The following TTLL5 variants were observed in gnomAD, a reference collection of about 807,000 sequenced individuals.
The protein encoded by TTLL5 is tubulin tyrosine ligase like 5.
Under a neutral mutation model 168.4 loss-of-function variants are expected in TTLL5, and 132 were observed. The ratio of observed to expected loss-of-function variants is 0.78; its 90% confidence interval spans 0.68 to 0.91. The LOEUF (loss-of-function observed/expected upper bound fraction) is 0.91. Ranked by LOEUF, TTLL5 falls within the 40% of genes least tolerant of loss-of-function variation. The pLI is 0.00. For synonymous variants in TTLL5, 546 were observed against 558.6 expected (o/e 0.98, Z 0.32); for missense variants, 1,545 against 1,581.5 (o/e 0.98, Z 0.39).
At chr14:75,682,025 A>G (rs781448043) in intron 4 of TTLL5, among the ~76,000 whole-genome samples, 5 of 151,816 alleles carry the variant, frequency 3.3e-5, no homozygotes, top group Non-Finnish European at 7.4e-5. Context: ...CCCCGTCTCT[A>G]CTAAAAATAC....
At chr14:75,949,875 T>TAA (rs1485477852) in intron 31 of TTLL5, among the ~76,000 whole-genome samples, 1 of 151,914 alleles carries the variant, frequency 6.6e-6, no homozygotes, top group Non-Finnish European at 1.5e-5. Context: ...AAAAAAAAGT[T>TAA]ACAGTTTTGT....
rs773590966 is a variant in TTLL5, at chr14:75,782,566, A to G, written c.2595A>G (p.Lys865=). Reference sequence around the variant, plus strand: ...AGACGACAGAAATTCATTCTGATAAATTATCTCGTGAGTGATTTCAAACCT... The same window carrying G: ...AGACGACAGAAATTCATTCTGATAAGTTATCTCGTGAGTGATTTCAAACCT... ...QQQTTEIHSD[K]LSRFTTSAEK... Residue 865 remains lysine (K), a synonymous_variant, in exon 25 of 32, where the codon AAA becomes AAG. Transcript: ENST00000298832. The G allele has an allele frequency of 1.2e-6, 2 of 1,613,606 alleles. No individual in the cohort carries two copies. Among genetic ancestry groups the G allele is most frequent in the Non-Finnish European group, 1.7e-6 (2 of 1,179,750 alleles).
intron 31 of TTLL5, among the ~76,000 whole-genome samples, chr14:75,915,042 T>A (rs1232739861): frequency 6.6e-6 from 1 of 152,266 alleles, no homozygotes; most frequent in East Asian, 1.9e-4. Flanking sequence ...AATCTCATTA[T>A]AAGGGAACAA....
chr14:75,897,449 T>A lies in TTLL5; in HGVS notation c.3741-4693T>A, dbSNP rs182153512. ...AGGCAGTGTGCTCTTAAGCAGTTTTTATTTTATTTTATTTTTATTTATTCA... is the reference window on the plus strand; with the variant it reads ...AGGCAGTGTGCTCTTAAGCAGTTTTAATTTTATTTTATTTTTATTTATTCA... On this transcript the variant is annotated intron_variant, in intron 30 of 31. Coordinates refer to ENST00000298832, the MANE Select transcript of TTLL5 (RefSeq NM_015072.5). Among the ~76,000 whole-genome samples, 35 of 152,184 alleles carry A rather than the reference T, an allele frequency of 2.3e-4. 1 individual carries two copies. In the East Asian group the frequency reaches 5.2e-3, roughly 23 times the overall value.
At chr14:75,679,031 T>C (rs1025290663) in intron 3 of TTLL5, among the ~76,000 whole-genome samples, 3 of 152,254 alleles carry the variant, frequency 2.0e-5, no homozygotes, top group Non-Finnish European at 1.5e-5. Flanking sequence ...CTGGATTCTC[T>C]GTAAATAATA....
intron 30 of TTLL5, among the ~76,000 whole-genome samples, chr14:75,885,359 G>A (rs1000589982): frequency 2.0e-5 from 3 of 150,934 alleles, no homozygotes; most frequent in African/African-American, 4.9e-5. Context: ...GTGCATGATG[G>A]TGGGCGCCTG....
At chr14:75,853,758 T>C (rs570624925) in intron 28 of TTLL5, among the ~76,000 whole-genome samples, 41 of 152,332 alleles carry the variant, frequency 2.7e-4, no homozygotes, top group African/African-American at 9.6e-4. Context: ...AAATCATCTA[T>C]TTTGGCTGGA....
intron 30 of TTLL5, among the ~76,000 whole-genome samples, chr14:75,901,103 A>G (rs2032903138): frequency 6.6e-6 from 1 of 152,224 alleles, no homozygotes; most frequent in East Asian, 1.9e-4. Context: ...ATCAACTAAA[A>G]TCAAGGCAGA....
At chr14:75,697,298 AT>A (rs1220772120) in intron 6 of TTLL5, among the ~76,000 whole-genome samples, 2 of 152,148 alleles carry the variant, frequency 1.3e-5, no homozygotes, top group Non-Finnish European at 2.9e-5. Flanking sequence ...TTTAATTAAT[AT>A]TTTGCTGTTA....
chr14:75,918,459 C>T (rs906316077), intron 31 of TTLL5, among the ~76,000 whole-genome samples: 3 of 152,082 alleles, frequency 2.0e-5, no homozygotes, highest in Non-Finnish European at 2.9e-5. Context: ...TAAATAGATA[C>T]GTTGTTCCTT....
intron 6 of TTLL5, among the ~76,000 whole-genome samples, chr14:75,692,289 T>G (rs898384633): frequency 6.6e-6 from 1 of 152,222 alleles, no homozygotes; most frequent in African/African-American, 2.4e-5. Context: ...TATGTTTGTA[T>G]TAGTAATAGT....
At chr14:75,867,629 G>A (rs545951706) in intron 29 of TTLL5, among the ~76,000 whole-genome samples, 29 of 151,990 alleles carry the variant, frequency 1.9e-4, no homozygotes, top group African/African-American at 5.3e-4. Context: ...GCGTGGTGGC[G>A]CATGCCTATA....
At chr14:75,897,307 A>G (rs919353346) in intron 30 of TTLL5, among the ~76,000 whole-genome samples, 1 of 152,212 alleles carries the variant, frequency 6.6e-6, no homozygotes, top group African/African-American at 2.4e-5. Context: ...TCCCAAGGAA[A>G]GAGATTTTGC....
At chr14:75,814,491 A>G (rs1894263024) in intron 27 of TTLL5, 1 of 152,200 alleles carries the variant, frequency 6.6e-6, no homozygotes. Flanking sequence ...ACCTTCAGGT[A>G]TGAACCCTAA....
At chr14:75,666,794 G>A (rs1331760827) in intron 2 of TTLL5, among the ~76,000 whole-genome samples, 1 of 152,206 alleles carries the variant, frequency 6.6e-6, no homozygotes, top group African/African-American at 2.4e-5. Context: ...TCCCAGGAGT[G>A]AATGATGTCT....
chr14:75,752,633 GA>G (rs1307753774), intron 17 of TTLL5, among the ~76,000 whole-genome samples: 1 of 151,894 alleles, frequency 6.6e-6, no homozygotes, highest in Non-Finnish European at 1.5e-5. Flanking sequence ...ATTAATCCAA[GA>G]AATGCTGGTT....
intron 28 of TTLL5, among the ~76,000 whole-genome samples, chr14:75,847,051 C>G (rs1896587269): frequency 1.3e-5 from 2 of 151,942 alleles, no homozygotes; most frequent in South Asian, 4.1e-4. Flanking sequence ...GCCCAGGCTG[C>G]AGTATAGTGG....
intron 28 of TTLL5, among the ~76,000 whole-genome samples, chr14:75,861,500 G>A (rs1240665186): frequency 6.6e-6 from 1 of 152,142 alleles, no homozygotes; most frequent in East Asian, 1.9e-4. Flanking sequence ...GAGGACTCTG[G>A]AAGGTCTGTG....
Position 75,842,214 on chromosome 14 carries a change from C to G in TTLL5, c.3327-21453C>G, listed in dbSNP as rs1896297901. Among the ~76,000 whole-genome samples, 3 of 152,204 alleles carry G rather than the reference C, an allele frequency of 2.0e-5. No homozygotes were observed. The South Asian group carries it at 6.2e-4, about 32-fold the overall frequency. Reference sequence around the variant, plus strand: ...AGCCTATCCCAGTATATCCTCCAATCTGGAGTACAGAAACATGCCCTTTTT... The same window carrying G: ...AGCCTATCCCAGTATATCCTCCAATGTGGAGTACAGAAACATGCCCTTTTT... On this transcript the variant is annotated intron_variant, in intron 28 of 31. Coordinates refer to ENST00000298832, the MANE Select transcript of TTLL5 (RefSeq NM_015072.5).
Sources: allele counts gnomAD v4.1 joint callset (sites outside exome capture counted in the v4.1 genomes callset), GRCh38; gene constraint gnomAD v4.1.1; transcripts MANE v1.5; gene names NCBI Gene and HGNC (gene_info 2026-07-23, HGNC 2026-07-21).